ATL1: variants seen among roughly 807,000 people sequenced by gnomAD.
ATL1 encodes atlastin GTPase 1.
A neutral mutation model predicts 75.5 loss-of-function variants in ATL1; 31 were observed. That is an observed-to-expected ratio of 0.41 (90% confidence interval 0.31 to 0.55). ATL1 has a LOEUF of 0.55. ATL1 is among the 20% of genes least tolerant of loss of function. ATL1 has a pLI of 0.27. For missense variants in ATL1, 405 were observed against 662.6 expected, an observed-to-expected ratio of 0.61 and a Z score of 4.27; for synonymous variants, 226 against 233.3, an observed-to-expected ratio of 0.97 and a Z score of 0.28.
At chr14:50,594,294 G>C (rs1331842251) in intron 5 of ATL1, among the ~76,000 whole-genome samples, 1 of 152,144 alleles carries the variant, frequency 6.6e-6, no homozygotes, top group Non-Finnish European at 1.5e-5. Context: ...GGGGGAAACA[G>C]CCTCCATGAT....
intron 1 of ATL1, among the ~76,000 whole-genome samples, chr14:50,581,559 G>A (rs951390886): frequency 2.0e-5 from 3 of 151,994 alleles, no homozygotes; most frequent in Admixed American, 6.6e-5. Context: ...AGTTTTCATT[G>A]TACTTTCTTC....
chr14:50,589,150 T>C (rs2039130276), intron 2 of ATL1, among the ~76,000 whole-genome samples: 1 of 144,102 alleles, frequency 6.9e-6, no homozygotes, highest in Non-Finnish European at 1.5e-5. Context: ...TTCTTTTCTT[T>C]CTTTCTTTTT....
At chr14:50,596,901 A>G (rs777691151) in intron 6 of ATL1, among the ~76,000 whole-genome samples, 2 of 152,122 alleles carry the variant, frequency 1.3e-5, no homozygotes, top group Non-Finnish European at 2.9e-5. Context: ...AAAATTAGTG[A>G]TAAGTACAAA....
intron 6 of ATL1, among the ~76,000 whole-genome samples, chr14:50,611,948 C>T (rs1411487160): frequency 1.3e-5 from 2 of 152,032 alleles, no homozygotes; most frequent in Non-Finnish European, 2.9e-5. Flanking sequence ...GAAAGAAGAG[C>T]AGAAGACATA....
At chr14:50,561,086 G>T in intron 1 of ATL1, 1 of 152,608 alleles carries the variant, frequency 6.6e-6, no homozygotes. Flanking sequence ...CCGAGGGGAG[G>T]GGAAAGGAGA....
intron 8 of ATL1, 72 bp downstream of exon 8, chr14:50,614,583 T>C: frequency 6.7e-7 from 1 of 1,501,214 alleles, no homozygotes; most frequent in Non-Finnish European, 9.2e-7. Flanking sequence ...TCTATTGGGC[T>C]TATGGCTGAT....
intron 8 of ATL1, among the ~76,000 whole-genome samples, chr14:50,617,764 T>G (rs1488830753): frequency 6.6e-6 from 1 of 152,244 alleles, no homozygotes; most frequent in Non-Finnish European, 1.5e-5. Flanking sequence ...ATTGACCACT[T>G]GCAAGGCCAA....
chr14:50,565,484 CA>C (rs56404646), intron 1 of ATL1, among the ~76,000 whole-genome samples: 10 of 145,324 alleles, frequency 6.9e-5, no homozygotes, highest in East Asian at 2.0e-4. Flanking sequence ...GACTTCATCT[CA>C]AAAAAAAAAA....
chr14:50,629,410 C>T (rs1187560985), intron 12 of ATL1, among the ~76,000 whole-genome samples: 1 of 151,818 alleles, frequency 6.6e-6, no homozygotes, highest in African/African-American at 2.4e-5. Flanking sequence ...GGAGAAACCC[C>T]GTCTCTACTA....
intron 1 of ATL1, among the ~76,000 whole-genome samples, chr14:50,553,140 C>CA (rs1013804269): frequency 1.3e-5 from 2 of 151,382 alleles, no homozygotes; most frequent in Non-Finnish European, 2.9e-5. Context: ...ACTAAAAATA[C>CA]AAAAAAATAG....
chr14:50,611,956 A>G (rs1295975578), intron 6 of ATL1, among the ~76,000 whole-genome samples: 2 of 152,168 alleles, frequency 1.3e-5, no homozygotes, highest in Non-Finnish European at 2.9e-5. Flanking sequence ...AGCAGAAGAC[A>G]TATGAATGTT....
At chr14:50,553,094 A>G (rs147355337) in intron 1 of ATL1, among the ~76,000 whole-genome samples, 2,147 of 152,202 alleles carry the variant, frequency 0.014, 41 homozygotes, top group African/African-American at 0.049. Flanking sequence ...CAGGAGTTCA[A>G]GACCAGCCTG....
chr14:50,571,244 G>A (rs1426558074), intron 1 of ATL1, among the ~76,000 whole-genome samples: 1 of 152,082 alleles, frequency 6.6e-6, no homozygotes, highest in African/African-American at 2.4e-5. Context: ...TGGAGGACAG[G>A]GGTTCTTATT....
intron 6 of ATL1, among the ~76,000 whole-genome samples, chr14:50,598,363 TA>T (rs1276672402): frequency 6.6e-6 from 1 of 152,094 alleles, no homozygotes; most frequent in African/African-American, 2.4e-5. Context: ...TTTTTATTTT[TA>T]TTTTTTTTTG....
intron 6 of ATL1, among the ~76,000 whole-genome samples, chr14:50,611,469 A>T (rs1250654553): frequency 2.6e-5 from 4 of 152,168 alleles, no homozygotes; most frequent in African/African-American, 9.7e-5. Flanking sequence ...TTTATTTCAA[A>T]GTTATGACAT....
In ATL1 at chr14:50,630,015, T is replaced by A; in HGVS notation, c.1566+6T>A. The A allele has an allele frequency of 6.3e-7, 1 of 1,591,574 alleles. No homozygotes were observed. Among genetic ancestry groups the A allele is most frequent in the Non-Finnish European group, 8.6e-7 (1 of 1,164,562 alleles). On this transcript the variant is annotated splice_donor_region_variant and intron_variant, in intron 13 of 13. Transcript: ENST00000358385. ...CACAGGGAAGTACAAATGAGGTAAG[T>A]TAAATTTTTTAAAATTCAGAGCTAT... is the stretch of plus-strand genomic sequence containing the variant.
upstream of ATL1, chr14:50,560,111 C>T (rs886050530): frequency 2.4e-6 from 2 of 824,656 alleles, no homozygotes; most frequent in African/African-American, 1.7e-5. Flanking sequence ...TTTTCCTCCC[C>T]ACTCCTTCCC....
intron 1 of ATL1, among the ~76,000 whole-genome samples, chr14:50,577,608 C>T (rs996739201): frequency 2.0e-5 from 3 of 152,070 alleles, no homozygotes; most frequent in Admixed American, 2.0e-4. Context: ...AGTTTTAGAA[C>T]ATTTTCATTA....
chr14:50,629,309 C>T (rs1052214855), intron 12 of ATL1, among the ~76,000 whole-genome samples: 48 of 152,130 alleles, frequency 3.2e-4, no homozygotes, highest in African/African-American at 1.0e-3. Context: ...TGGCCAGGTG[C>T]GGTGGCTCAC....
Sources: gnomAD v4.1 joint callset for allele counts (sites outside exome capture counted in the v4.1 genomes callset) on GRCh38, gnomAD v4.1.1 for gene constraint, MANE v1.5 for transcripts, NCBI Gene and HGNC (gene_info 2026-07-23, HGNC 2026-07-21) for gene names.